The following NF2 variants were observed in gnomAD, a reference collection of about 807,000 sequenced individuals.
The protein encoded by NF2 is merlin.
Under a neutral mutation model 83.7 loss-of-function variants are expected in NF2, and 8 were observed. The observed-to-expected ratio is 0.10, with a 90% CI of 0.06 to 0.17. The LOEUF is 0.17. Ranked by LOEUF, NF2 falls within the 10% of genes least tolerant of loss-of-function variation. NF2 has a pLI of 1.00. For missense variants in NF2, 533 were observed against 744.4 expected (o/e 0.72, Z 3.31); for synonymous variants, 266 against 269.6 (o/e 0.99, Z 0.13).
chr22:29,681,321 G>C, intron 14 of NF2, 118 bp from the exon 15 acceptor site: 2 of 1,256,154 alleles, frequency 1.6e-6, no homozygotes, highest in Non-Finnish European at 2.3e-6. Context: ...AAGTAGAGAC[G>C]TGAACCCCAG....
At chr22:29,685,042 A>C (rs1052347610) in intron 15 of NF2, among the ~76,000 whole-genome samples, 1 of 151,118 alleles carries the variant, frequency 6.6e-6, no homozygotes, top group African/African-American at 2.4e-5. Flanking sequence ...ATGAGATGCA[A>C]AAGCTGATAG....
At position 29,620,719 on chromosome 22, in the gene NF2, C is replaced by T. The variant is rs374865818; in HGVS notation, c.115-16032C>T. On this transcript the variant is annotated intron_variant, in intron 1 of 15. Transcript: ENST00000338641. ...CAGCCTGGATGACAGGGAGAGACTC[C>T]GACTCCAAAAAAAAAAATAGAGATG... Among the ~76,000 whole-genome samples the T allele has an allele frequency of 2.6e-5, 4 of 151,260 alleles. No individual in the cohort carries two copies. The East Asian group carries it at 5.8e-4, about 22-fold the overall frequency.
chr22:29,638,349 ATTTTTT>A (rs766276794), intron 2 of NF2, among the ~76,000 whole-genome samples: 3 of 130,148 alleles, frequency 2.3e-5, no homozygotes, highest in Non-Finnish European at 5.0e-5. Context: ...TCTAAGCTGT[ATTTTTT>A]TTTTTTTTTT....
intron 8 of NF2, among the ~76,000 whole-genome samples, chr22:29,663,005 C>T (rs116356204): frequency 0.01 from 1,566 of 152,266 alleles, 25 homozygotes; most frequent in African/African-American, 0.036. Context: ...AACACCAGGC[C>T]CCTGGTTTCC....
intron 1 of NF2, among the ~76,000 whole-genome samples, chr22:29,626,959 C>T (rs1359340856): frequency 2.6e-5 from 4 of 152,152 alleles, no homozygotes; most frequent in African/African-American, 9.7e-5. Context: ...TTTTCAGCAG[C>T]ATTATCATTC....
At position 29,639,099 on chromosome 22, in the gene NF2, C is replaced by T. The variant is rs1347744596; in HGVS notation, c.250C>T (p.His84Tyr). 2 of 1,614,100 alleles carry T rather than the reference C, an allele frequency of 1.2e-6. No individual in the cohort carries two copies. Among genetic ancestry groups the T allele is most frequent in the African/African-American group, 2.7e-5 (2 of 74,938 alleles). Residue 84 changes from histidine (H) to tyrosine (Y), a missense_variant, in exon 3 of 16, where the codon CAT (histidine) becomes TAT (tyrosine). Coordinates refer to ENST00000338641, the MANE Select transcript of NF2 (RefSeq NM_000268.4). ...CTCTGCAATTCTGCAGGTACTGGAT[C>T]ATGATGTTTCAAAGGAAGAACCAGT... The part of the protein sequence containing the change: ...WLKMDKKVLD[H>Y]DVSKEEPVTF...
intron 10 of NF2, among the ~76,000 whole-genome samples, chr22:29,669,570 G>A (rs1163797307): frequency 6.6e-6 from 1 of 152,156 alleles, no homozygotes; most frequent in Non-Finnish European, 1.5e-5. Context: ...TAAGAAGGAG[G>A]AGGAGAGCTT....
intron 4 of NF2, among the ~76,000 whole-genome samples, chr22:29,648,588 C>T (rs1040806001): frequency 6.6e-6 from 1 of 152,214 alleles, no homozygotes; most frequent in African/African-American, 2.4e-5. Context: ...GCACACACAT[C>T]CTTTTCACTT....
chr22:29,639,251 T>C, intron 3 of NF2, 39 bp downstream of exon 3: 1 of 1,613,370 alleles, frequency 6.2e-7, no homozygotes. Context: ...CTGAGAGAAC[T>C]TGCCCAGGAG....
intron 14 of NF2, among the ~76,000 whole-genome samples, chr22:29,681,226 G>A (rs1330530790): frequency 2.0e-5 from 3 of 152,006 alleles, no homozygotes; most frequent in Non-Finnish European, 4.4e-5. Context: ...CCACGGCCCT[G>A]TGATCATTAT....
intron 1 of NF2, among the ~76,000 whole-genome samples, chr22:29,621,827 T>C (rs2065223999): frequency 6.6e-6 from 1 of 152,200 alleles, no homozygotes. Context: ...GCCACATCTT[T>C]GCATAGGCTG....
chr22:29,649,400 CA>C (rs1348565972), intron 4 of NF2, among the ~76,000 whole-genome samples: 1 of 152,128 alleles, frequency 6.6e-6, no homozygotes, highest in Admixed American at 6.5e-5. Context: ...GGCCACATGG[CA>C]AAACCCTGTC....
At chr22:29,668,482 G>T in intron 10 of NF2, 36 bp downstream of exon 10, 1 of 1,529,368 alleles carries the variant, frequency 6.5e-7, no homozygotes, top group African/African-American at 1.4e-5. Context: ...TGATGTCACT[G>T]TGTGGTCAGT....
chr22:29,681,361 G>A, intron 14 of NF2, 78 bp from the exon 15 acceptor site: 3 of 1,581,304 alleles, frequency 1.9e-6, no homozygotes, highest in Non-Finnish European at 2.6e-6. Flanking sequence ...ACACCAAGCA[G>A]CTTGTGGGCC....
chr22:29,684,472 A>G (rs895676810), intron 15 of NF2, among the ~76,000 whole-genome samples: 1 of 152,192 alleles, frequency 6.6e-6, no homozygotes, highest in African/African-American at 2.4e-5. Context: ...CTCAACCTGA[A>G]TGTGACTTCC....
chr22:29,633,999 TC>T (rs2065582647), intron 1 of NF2, among the ~76,000 whole-genome samples: 1 of 152,208 alleles, frequency 6.6e-6, no homozygotes, highest in South Asian at 2.1e-4. Flanking sequence ...GGATTTTGTT[TC>T]AAACACTGGT....
At chr22:29,666,985 A>T (rs2066642834) in intron 9 of NF2, among the ~76,000 whole-genome samples, 1 of 152,330 alleles carries the variant, frequency 6.6e-6, no homozygotes, top group East Asian at 1.9e-4. Flanking sequence ...TCCAAAAAAA[A>T]AATAAATACA....
chr22:29,639,532 G>A (rs1472962704), intron 3 of NF2, among the ~76,000 whole-genome samples: 1 of 152,122 alleles, frequency 6.6e-6, no homozygotes, highest in African/African-American at 2.4e-5. Context: ...TCAAAGGAAG[G>A]CTAAAGAGAG....
intron 4 of NF2, among the ~76,000 whole-genome samples, chr22:29,652,429 C>T (rs1312961519): frequency 2.6e-5 from 4 of 152,122 alleles, no homozygotes; most frequent in Non-Finnish European, 5.9e-5. Context: ...CTCAGCCTCC[C>T]GAATAGCTGG....
Sources: gnomAD v4.1 joint callset for allele counts (sites outside exome capture counted in the v4.1 genomes callset) on GRCh38, gnomAD v4.1.1 for gene constraint, MANE v1.5 for transcripts, NCBI Gene and HGNC (gene_info 2026-07-23, HGNC 2026-07-21) for gene names.